Variants in ATXN10 observed in about 807,000 individuals in gnomAD.
ATXN10 encodes ataxin-10.
Under a neutral mutation model 52.9 loss-of-function variants are expected in ATXN10, and 28 were observed. The observed-to-expected ratio is 0.53, with a 90% CI of 0.39 to 0.73. The LOEUF (loss-of-function observed/expected upper bound fraction) is 0.73. Among genes scored for constraint, ATXN10 ranks in the 30% least tolerant of loss-of-function variants. The pLI is 0.00. For missense variants in ATXN10, 565 were observed against 577.0 expected (o/e 0.98, Z 0.21); for synonymous variants, 226 against 221.5 (o/e 1.02, Z -0.18).
rs534515053 is a variant in ATXN10, at chr22:45,786,427, G to T, written c.1174-20532G>T. On this transcript the variant is annotated intron_variant, in intron 9 of 11. Coordinates refer to ENST00000252934, the MANE Select transcript of ATXN10 (RefSeq NM_013236.4). The surrounding 1 kb of genome is among the most constrained non-coding windows in gnomAD (Gnocchi z 4.1). Reference sequence around the variant, plus strand: ...AGTCTCTGACATTCTCGGCCTCACTGTGTTCCCGTGTGGCCACTGAGGCCC... The same window carrying T: ...AGTCTCTGACATTCTCGGCCTCACTTTGTTCCCGTGTGGCCACTGAGGCCC... 6.6e-5 allele frequency among the ~76,000 whole-genome samples: 10 copies of T among 152,316 alleles called. No homozygotes were observed. The South Asian group carries it at 1.9e-3, about 28-fold the overall frequency.
Position 45,843,244 on chromosome 22 carries a change from G to A in ATXN10, c.1425+66G>A. 9 of 1,528,896 alleles carry A rather than the reference G, an allele frequency of 5.9e-6. No homozygotes were observed. The highest frequency in any genetic ancestry group is 1.4e-5 in the African/African-American group (1 of 73,326). 94.7% of individuals were successfully genotyped at this position (1,528,896 alleles called of 1,614,324 possible). ...AGAAAGCTGTTTCCACTTCCCCATTGCTTCAAGCACGAGGCTCTTTGTAAG... is the reference window on the plus strand; with the variant it reads ...AGAAAGCTGTTTCCACTTCCCCATTACTTCAAGCACGAGGCTCTTTGTAAG... On this transcript the variant is annotated intron_variant, in intron 11 of 11. Coordinates refer to ENST00000252934, the MANE Select transcript of ATXN10 (RefSeq NM_013236.4). This position sits in a 1 kb window ranked among gnomAD's most constrained non-coding sequence, Gnocchi z 4.5.
intron 1 of ATXN10, chr22:45,675,650 T>G (rs1922655696): frequency 6.6e-6 from 1 of 152,264 alleles, no homozygotes; most frequent in Non-Finnish European, 1.5e-5. Context: ...TGAGCTCCAG[T>G]CACATCCTCA....
rs933648268 is a variant in ATXN10 at position 45,715,871 on chromosome 22, AC to A, written c.648-2541del. Among the ~76,000 whole-genome samples the A allele has an allele frequency of 6.6e-6, 1 of 152,186 alleles. No homozygotes were observed. Among genetic ancestry groups the A allele is most frequent in the African/African-American group, 2.4e-5 (1 of 41,436 alleles). ...AAGATGATTTCTAGAAAAATTCCAAACTTTTGGAAATTAACACATCTGATTG... is the reference window on the plus strand; with the variant it reads ...AAGATGATTTCTAGAAAAATTCCAAATTTTGGAAATTAACACATCTGATTG... On this transcript the variant is annotated intron_variant, in intron 5 of 11. Transcript: ENST00000252934. This position sits in a 1 kb window ranked among gnomAD's most constrained non-coding sequence, Gnocchi z 4.4.
At chr22:45,720,850 G>A (rs1428710666) in intron 6 of ATXN10, among the ~76,000 whole-genome samples, 2 of 152,196 alleles carry the variant, frequency 1.3e-5, no homozygotes, top group African/African-American at 4.8e-5. Flanking sequence ...ATTTCTAACA[G>A]TCTGAGGCTG....
At position 45,770,533 on chromosome 22, in the gene ATXN10, C is replaced by T. The variant is rs527463953; in HGVS notation, c.1173+29995C>T. On this transcript the variant is annotated intron_variant, in intron 9 of 11. Transcript: ENST00000252934. This position sits in a 1 kb window ranked among gnomAD's most constrained non-coding sequence, Gnocchi z 4.5. Reference sequence around the variant, plus strand: ...TAAATTCAAAGAAAGTTTAACATTGCAGAGGGGGCTCTGAATGAGCTGGAT... The same window carrying T: ...TAAATTCAAAGAAAGTTTAACATTGTAGAGGGGGCTCTGAATGAGCTGGAT... Among the ~76,000 whole-genome samples, 3 of 152,298 alleles carry T rather than the reference C, an allele frequency of 2.0e-5. No homozygotes were observed. The highest frequency in any genetic ancestry group is 1.9e-4 in the East Asian group (1 of 5,192).
At chr22:45,817,711 A>G (rs7284693) in intron 10 of ATXN10, among the ~76,000 whole-genome samples, 4,416 of 152,272 alleles carry the variant, frequency 0.029, 161 homozygotes, top group African/African-American at 0.081. Flanking sequence ...AATGAAGACA[A>G]ACAAGTGCAC....
chr22:45,779,412 A>G (rs1012121529), intron 9 of ATXN10, among the ~76,000 whole-genome samples: 4 of 152,228 alleles, frequency 2.6e-5, no homozygotes, highest in Non-Finnish European at 5.9e-5. Context: ...ACTATAATTC[A>G]GAAGACTAAA....
rs147714557 is a variant in ATXN10 at position 45,745,379 on chromosome 22, T to C, written c.1173+4841T>C. ...GCCAAGGAAATTGTATTGACTAGGA[T>C]GGGCCATATATCCGTTCTGCTAAAG... On this transcript the variant is annotated intron_variant, in intron 9 of 11. Transcript: ENST00000252934. 2.9e-3 allele frequency among the ~76,000 whole-genome samples: 446 copies of C among 152,312 alleles called. 2 individuals carry two copies. The highest frequency in any genetic ancestry group is 8.7e-3 in the South Asian group (42 of 4,822).
chr22:45,824,672 A>G lies in ATXN10; in HGVS notation c.1237+17650A>G, dbSNP rs1385429239. 1.3e-5 allele frequency among the ~76,000 whole-genome samples: 2 copies of G among 152,248 alleles called. No individual in the cohort carries two copies. Among genetic ancestry groups the G allele is most frequent in the South Asian group, 2.1e-4 (1 of 4,836 alleles). Reference sequence around the variant, plus strand: ...GTAAACACATCACATATCCATGGGTATATGGTGGCAGCTAGAAAACAAATT... The same window carrying G: ...GTAAACACATCACATATCCATGGGTGTATGGTGGCAGCTAGAAAACAAATT... On this transcript the variant is annotated intron_variant, in intron 10 of 11. Coordinates refer to ENST00000252934, the MANE Select transcript of ATXN10 (RefSeq NM_013236.4). This position sits in a 1 kb window ranked among gnomAD's most constrained non-coding sequence, Gnocchi z 5.2.
At chr22:45,719,555 A>ATTT (rs35705178) in intron 6 of ATXN10, among the ~76,000 whole-genome samples, 1 of 147,166 alleles carries the variant, frequency 6.8e-6, no homozygotes, top group African/African-American at 2.5e-5. Flanking sequence ...AAAAATTAGT[A>ATTT]TTTTTTTTTT....
rs1207042678 is a variant in ATXN10, at chr22:45,816,909, C to T, written c.1237+9887C>T. 6.6e-6 allele frequency among the ~76,000 whole-genome samples: 1 copy of T among 152,082 alleles called. No individual in the cohort carries two copies. The highest frequency in any genetic ancestry group is 2.4e-5 in the African/African-American group (1 of 41,420). Reference sequence around the variant, plus strand: ...GTACTCTTCTTGGTGGAGAATCTAGCGTGGTATCAGGCCTGCCAAACAGCA... The same window carrying T: ...GTACTCTTCTTGGTGGAGAATCTAGTGTGGTATCAGGCCTGCCAAACAGCA... On this transcript the variant is annotated intron_variant, in intron 10 of 11. Coordinates refer to ENST00000252934, the MANE Select transcript of ATXN10 (RefSeq NM_013236.4). This position sits in a 1 kb window ranked among gnomAD's most constrained non-coding sequence, Gnocchi z 5.8.
rs1923070914 is a variant in ATXN10, at chr22:45,684,804, A to G, written c.117-4908A>G. Among the ~76,000 whole-genome samples the G allele has an allele frequency of 6.6e-6, 1 of 152,198 alleles. No homozygotes were observed. The highest frequency in any genetic ancestry group is 1.5e-5 in the Non-Finnish European group (1 of 68,038). On this transcript the variant is annotated intron_variant, in intron 1 of 11. Coordinates refer to ENST00000252934, the MANE Select transcript of ATXN10 (RefSeq NM_013236.4). This position sits in a 1 kb window ranked among gnomAD's most constrained non-coding sequence, Gnocchi z 4.1. ...AAAAGAAGTTTTGAGTTCTGCGCAG[A>G]TTTCAAAATTTTACCCTAGGCTGTT... is the stretch of plus-strand genomic sequence containing the variant.
intron 10 of ATXN10, among the ~76,000 whole-genome samples, chr22:45,811,025 C>T (rs1211407771): frequency 6.6e-6 from 1 of 152,142 alleles, no homozygotes; most frequent in Admixed American, 6.5e-5. Flanking sequence ...TACATTAGGT[C>T]AAGTTTGTAA....
chr22:45,719,085 G>A (rs1348565815), intron 6 of ATXN10, among the ~76,000 whole-genome samples: 1 of 151,502 alleles, frequency 6.6e-6, no homozygotes, highest in Non-Finnish European at 1.5e-5. Context: ...CTATGGTAAG[G>A]TACAAGGGAT....
rs1196351731 is a variant in ATXN10, at chr22:45,762,166, G to C, written c.1173+21628G>C. Among the ~76,000 whole-genome samples the C allele has an allele frequency of 6.6e-6, 1 of 152,190 alleles. No individual in the cohort carries two copies. Among genetic ancestry groups the C allele is most frequent in the Admixed American group, 6.5e-5 (1 of 15,284 alleles). Reference sequence around the variant, plus strand: ...AAAAGCTTGACATTACAGGTAGAAAGGAAGTCAGTCTCTGTCCCCTGTGCG... The same window carrying C: ...AAAAGCTTGACATTACAGGTAGAAACGAAGTCAGTCTCTGTCCCCTGTGCG... On this transcript the variant is annotated intron_variant, in intron 9 of 11. Coordinates refer to ENST00000252934, the MANE Select transcript of ATXN10 (RefSeq NM_013236.4). This position sits in a 1 kb window ranked among gnomAD's most constrained non-coding sequence, Gnocchi z 4.3.
Position 45,733,117 on chromosome 22 carries a change from T to G in ATXN10, c.894+3527T>G, listed in dbSNP as rs1925151718. 6.6e-6 allele frequency among the ~76,000 whole-genome samples: 1 copy of G among 152,226 alleles called. No homozygotes were observed. The highest frequency in any genetic ancestry group is 2.1e-4 in the South Asian group (1 of 4,828). On this transcript the variant is annotated intron_variant, in intron 7 of 11. Transcript: ENST00000252934. The surrounding 1 kb of genome is among the most constrained non-coding windows in gnomAD (Gnocchi z 4.4). ...GTCAGTTCAGAATCTTGTTCACTTG[T>G]AGCAAGCCTTGCCTTTTCTCTGAAA...
At chr22:45,800,622 C>T (rs1927900105) in intron 9 of ATXN10, among the ~76,000 whole-genome samples, 1 of 152,182 alleles carries the variant, frequency 6.6e-6, no homozygotes, top group Admixed American at 6.5e-5. Context: ...AACATGCACC[C>T]ATGAAAAGAT....
Position 45,780,894 on chromosome 22 carries a change from A to G in ATXN10, c.1174-26065A>G, listed in dbSNP as rs1028077288. On this transcript the variant is annotated intron_variant, in intron 9 of 11. Coordinates refer to ENST00000252934, the MANE Select transcript of ATXN10 (RefSeq NM_013236.4). The surrounding 1 kb of genome is among the most constrained non-coding windows in gnomAD (Gnocchi z 4.0). ...TGAAACAATCATGGAAACACGTGACAGGTGGGGAGAAGACGGCATACTAGC... is the reference window on the plus strand; with the variant it reads ...TGAAACAATCATGGAAACACGTGACGGGTGGGGAGAAGACGGCATACTAGC... Among the ~76,000 whole-genome samples the G allele has an allele frequency of 6.6e-6, 1 of 152,102 alleles. No homozygotes were observed. Among genetic ancestry groups the G allele is most frequent in the Admixed American group, 6.5e-5 (1 of 15,274 alleles).
At chr22:45,703,091 G>A in intron 5 of ATXN10, among the ~76,000 whole-genome samples, 1 of 152,164 alleles carries the variant, frequency 6.6e-6, no homozygotes. Context: ...GTGAGGAGCG[G>A]GAAAGACATT....
Sources: allele counts gnomAD v4.1 joint callset (sites outside exome capture counted in the v4.1 genomes callset), GRCh38; gene constraint gnomAD v4.1.1; non-coding constraint Gnocchi (gnomAD v3.1); transcripts MANE v1.5; gene names NCBI Gene and HGNC (gene_info 2026-07-23, HGNC 2026-07-21).